The following PTPRK variants were observed in gnomAD, a reference collection of about 807,000 sequenced individuals.
The protein encoded by PTPRK is protein tyrosine phosphatase receptor type K.
Under a neutral mutation model 178.0 loss-of-function variants are expected in PTPRK, and 75 were observed. That is an observed-to-expected ratio of 0.42 (90% confidence interval 0.35 to 0.51). PTPRK has a LOEUF of 0.51. PTPRK is among the 20% of genes least tolerant of loss of function. The probability of loss-of-function intolerance (pLI) is 0.02; values close to 1 mark genes in which losing one functional copy is unlikely to be tolerated. For synonymous variants in PTPRK, 637 were observed against 620.6 expected, an observed-to-expected ratio of 1.03 and a Z score of -0.39; for missense variants, 1,441 against 1,797.8, an observed-to-expected ratio of 0.80 and a Z score of 3.59.
chr6:128,179,257 A>G (rs1332356069), intron 7 of PTPRK, among the ~76,000 whole-genome samples: 2 of 152,052 alleles, frequency 1.3e-5, no homozygotes, highest in African/African-American at 4.8e-5. Flanking sequence ...CCTATTAATT[A>G]ACACGGTACT....
intron 1 of PTPRK, among the ~76,000 whole-genome samples, chr6:128,464,450 G>A (rs1849483160): frequency 6.6e-6 from 1 of 151,244 alleles, no homozygotes; most frequent in Non-Finnish European, 1.5e-5. Flanking sequence ...ATAAAAGGAA[G>A]GAAAAAGTTA....
intron 8 of PTPRK, among the ~76,000 whole-genome samples, chr6:128,086,812 A>T (rs2115014891): frequency 6.6e-6 from 1 of 152,190 alleles, no homozygotes; most frequent in South Asian, 2.1e-4. Flanking sequence ...TATATATTAA[A>T]CAAAAAGAAA....
At chr6:128,076,413 C>T (rs559552224) in intron 11 of PTPRK, among the ~76,000 whole-genome samples, 1 of 152,026 alleles carries the variant, frequency 6.6e-6, no homozygotes, top group South Asian at 2.1e-4. Flanking sequence ...ATTCTGGTCC[C>T]ACCACCTGGC....
chr6:128,373,922 C>T (rs1836653352), intron 2 of PTPRK, among the ~76,000 whole-genome samples: 1 of 151,996 alleles, frequency 6.6e-6, no homozygotes, highest in Non-Finnish European at 1.5e-5. Context: ...AATTGTATTC[C>T]ATTTCTTACT....
intron 7 of PTPRK, among the ~76,000 whole-genome samples, chr6:128,092,930 T>C (rs1562569766): frequency 6.6e-6 from 1 of 152,212 alleles, no homozygotes; most frequent in African/African-American, 2.4e-5. Context: ...AGATATTGTT[T>C]GGAAACCACT....
At chr6:128,447,746 C>T (rs141804833) in intron 1 of PTPRK, among the ~76,000 whole-genome samples, 2,751 of 152,026 alleles carry the variant, frequency 0.018, 47 homozygotes, top group Non-Finnish European at 0.023. Context: ...TGCCTCGCCT[C>T]CTGAGTAGCT....
chr6:128,306,491 T>C (rs1826394646), intron 3 of PTPRK, among the ~76,000 whole-genome samples: 2 of 152,156 alleles, frequency 1.3e-5, no homozygotes, highest in Non-Finnish European at 2.9e-5. Context: ...GAATTAATAA[T>C]GTTACTTTCA....
At chr6:128,476,700 C>T (rs1161904069) in intron 1 of PTPRK, among the ~76,000 whole-genome samples, 2 of 151,814 alleles carry the variant, frequency 1.3e-5, no homozygotes, top group East Asian at 1.9e-4. Flanking sequence ...TATTTAGTCT[C>T]GTTCATAGTT....
At chr6:128,399,044 TG>T (rs1359506960) in intron 1 of PTPRK, among the ~76,000 whole-genome samples, 1 of 152,188 alleles carries the variant, frequency 6.6e-6, no homozygotes. Flanking sequence ...AATCCAGCAG[TG>T]GGTTTAATGA....
intron 1 of PTPRK, among the ~76,000 whole-genome samples, chr6:128,453,033 C>T (rs912422973): frequency 1.4e-4 from 21 of 152,246 alleles, no homozygotes; most frequent in Admixed American, 4.6e-4. Flanking sequence ...GCAGATTTAG[C>T]GATTAAATGC....
At position 127,981,239 on chromosome 6, in the gene PTPRK, C is replaced by T. The variant is rs770704500; in HGVS notation, c.3588G>A (p.Ala1196=). ...PRLQAEDCSI[A]CLPRNHDKNR... Reference sequence around the variant, plus strand: ...TCTTGTCATGGTTCCTTGGCAGGCACGCTATACTGCAGTCTTCAGCTTGTA... The same window carrying T: ...TCTTGTCATGGTTCCTTGGCAGGCATGCTATACTGCAGTCTTCAGCTTGTA... Residue 1196 remains alanine, a synonymous_variant, in exon 25 of 30, where the codon GCG becomes GCA. Coordinates refer to ENST00000368226, the MANE Select transcript of PTPRK (RefSeq NM_002844.4). The T allele has an allele frequency of 2.4e-5, 38 of 1,613,618 alleles. No homozygotes were observed. Among genetic ancestry groups the T allele is most frequent in the Admixed American group, 5.0e-5 (3 of 59,966 alleles).
At chr6:128,472,776 C>A in intron 1 of PTPRK, 2 of 248,526 alleles carry the variant, frequency 8.0e-6, no homozygotes, top group South Asian at 4.6e-5. Context: ...ATTGATACAC[C>A]ACAGTTATAT....
At chr6:128,310,601 A>G (rs72967074) in intron 3 of PTPRK, among the ~76,000 whole-genome samples, 12,330 of 152,224 alleles carry the variant, frequency 0.081, 577 homozygotes, top group African/African-American at 0.12. Flanking sequence ...CTTTTGCTGC[A>G]CTGTGAAGGC....
intron 13 of PTPRK, among the ~76,000 whole-genome samples, chr6:128,050,350 A>G (rs1417557363): frequency 6.6e-6 from 1 of 152,182 alleles, no homozygotes; most frequent in Non-Finnish European, 1.5e-5. Context: ...TCAAATATAC[A>G]GCTAACCAAA....
At chr6:128,105,044 T>C (rs1019868273) in intron 7 of PTPRK, among the ~76,000 whole-genome samples, 7 of 152,208 alleles carry the variant, frequency 4.6e-5, no homozygotes, top group African/African-American at 1.7e-4. Flanking sequence ...CCTTTTATTG[T>C]TTCTTGATCT....
At chr6:127,982,482 G>T (rs1005545736) in intron 24 of PTPRK, among the ~76,000 whole-genome samples, 1 of 152,046 alleles carries the variant, frequency 6.6e-6, no homozygotes, top group Non-Finnish European at 1.5e-5. Flanking sequence ...CACCGTGTTA[G>T]CCAGGATGGT....
At chr6:128,263,528 C>G (rs1312389294) in intron 3 of PTPRK, among the ~76,000 whole-genome samples, 1 of 151,952 alleles carries the variant, frequency 6.6e-6, no homozygotes, top group East Asian at 1.9e-4. Context: ...GTATTATCTA[C>G]CATAAAAATA....
intron 1 of PTPRK, among the ~76,000 whole-genome samples, chr6:128,432,079 C>T (rs1844909994): frequency 6.6e-6 from 1 of 152,132 alleles, no homozygotes; most frequent in East Asian, 1.9e-4. Flanking sequence ...TCTTCTAATA[C>T]AATTTGTTAA....
chr6:128,481,212 A>G (rs144643702), intron 1 of PTPRK, among the ~76,000 whole-genome samples: 30 of 152,212 alleles, frequency 2.0e-4, no homozygotes, highest in Admixed American at 5.9e-4. Context: ...TCATTCATAC[A>G]TAGTCTTTAA....
Sources: allele counts gnomAD v4.1 joint callset (sites outside exome capture counted in the v4.1 genomes callset), GRCh38; gene constraint gnomAD v4.1.1; transcripts MANE v1.5; gene names NCBI Gene and HGNC (gene_info 2026-07-23, HGNC 2026-07-21).